Variants in ZFR2 observed in about 807,000 individuals in gnomAD.
ZFR2 encodes zinc finger RNA-binding protein 2.
Under a neutral mutation model 105.7 loss-of-function variants are expected in ZFR2, and 104 were observed. The ratio of observed to expected loss-of-function variants is 0.98; its 90% CI spans 0.84 to 1.16. ZFR2 has a LOEUF of 1.16. Ranked by LOEUF, ZFR2 falls within the 50% of genes most tolerant of loss-of-function variation. The probability of loss-of-function intolerance (pLI) is 0.00; values close to 1 mark genes in which losing one functional copy is unlikely to be tolerated. For missense variants in ZFR2, 1,425 were observed against 1,355.5 expected (o/e 1.05, Z -0.80); for synonymous variants, 634 against 597.7 (o/e 1.06, Z -0.89).
In ZFR2 at chr19:3,825,663, G is replaced by C. The variant is rs544651610; in HGVS notation, c.1036-256C>G. Among the ~76,000 whole-genome samples, 33 of 151,842 alleles carry C rather than the reference G, an allele frequency of 2.2e-4. 1 individual carries two copies. In the South Asian group the frequency reaches 6.2e-3, roughly 29 times the overall value. On this transcript the variant is annotated intron_variant, in intron 6 of 18. Transcript: ENST00000262961. ...CACTCCTCTAGTGTGTGAGCACGTG[G>C]CTCACCGGCTCACACGGACGCTCTT...
At chr19:3,826,504 C>T (rs1427583325) in intron 6 of ZFR2, among the ~76,000 whole-genome samples, 16 of 151,810 alleles carry the variant, frequency 1.1e-4, no homozygotes, top group Non-Finnish European at 2.9e-5. Context: ...GGCGAGATCT[C>T]AGCTCACTGC....
At position 3,831,350 on chromosome 19, in the gene ZFR2, G is replaced by A; in HGVS notation, c.805C>T (p.Gln269Ter). Residue 269 changes from glutamine (Q) to a stop codon, truncating the protein, a stop_gained, in exon 5 of 19, where the codon CAG becomes TAG. Transcript: ENST00000262961. LOFTEE classifies it high-confidence loss of function. ...TTGCAGATGTCGCAGTAGTGAAGCT[G>A]GAGCTGCCTGGGCCCCGCCTTGGGT... is the stretch of plus-strand genomic sequence containing the variant. ...PRPKAGPRQL[Q>*]LHYCDICKIS... The A allele has an allele frequency of 6.4e-7, 1 of 1,557,484 alleles. No homozygotes were observed. The highest frequency in any genetic ancestry group is 2.4e-5 in the East Asian group (1 of 41,812).
intron 13 of ZFR2, among the ~76,000 whole-genome samples, chr19:3,816,243 C>CTTTTTTTT (rs58609703): frequency 1.7e-5 from 2 of 115,092 alleles, no homozygotes; most frequent in Admixed American, 9.7e-5. Context: ...CTTCTTGTAT[C>CTTTTTTTT]TTTTTTTTTT....
Position 3,822,109 on chromosome 19 carries a change from C to CT in ZFR2, c.1462dup (p.Arg488LysfsTer154). On this transcript the variant is annotated frameshift_variant, in exon 9 of 19. Coordinates refer to ENST00000262961, the MANE Select transcript of ZFR2 (RefSeq NM_015174.2). LOFTEE classifies it high-confidence loss of function. ...GTACTGCAGCCGGTGCCGCCGCCCC[C>CT]TCACGTGCAGGTCCTTCGCGTTAAG... 6.2e-7 allele frequency: 1 copy of CT among 1,609,100 alleles called. No homozygotes were observed. Among genetic ancestry groups the CT allele is most frequent in the Non-Finnish European group, 8.5e-7 (1 of 1,178,150 alleles).
chr19:3,818,964 G>A (rs2037855193), intron 12 of ZFR2, 81 bp downstream of exon 12: 1 of 1,506,226 alleles, frequency 6.6e-7, no homozygotes, highest in South Asian at 1.3e-5. Flanking sequence ...AGAGCTAGGG[G>A]TTCCTGCAGG....
chr19:3,836,675 C>T (rs1307238722), intron 1 of ZFR2, among the ~76,000 whole-genome samples: 1 of 152,206 alleles, frequency 6.6e-6, no homozygotes, highest in East Asian at 1.9e-4. Context: ...CCTTTGTCCA[C>T]ATGGCCTCAT....
chr19:3,831,989 G>T, intron 3 of ZFR2, 111 bp from the exon 4 acceptor site: 1 of 929,370 alleles, frequency 1.1e-6, no homozygotes, highest in Non-Finnish European at 1.5e-6. Flanking sequence ...CTTAAGCCAG[G>T]ACCAGAGGCC....
intron 1 of ZFR2, among the ~76,000 whole-genome samples, chr19:3,859,553 A>G (rs1483687465): frequency 6.6e-6 from 1 of 152,190 alleles, no homozygotes; most frequent in Non-Finnish European, 1.5e-5. Context: ...CCGCTGGAGA[A>G]CACCTGCACT....
In ZFR2 at chr19:3,811,376, G is replaced by T. The variant is rs1486746663; in HGVS notation, c.2243-10C>A. The T allele has an allele frequency of 1.9e-6, 3 of 1,571,356 alleles. No individual in the cohort carries two copies. The highest frequency in any genetic ancestry group is 1.4e-5 in the African/African-American group (1 of 73,786). On this transcript the variant is annotated splice_polypyrimidine_tract_variant and intron_variant, in intron 14 of 18. Transcript: ENST00000262961. Reference sequence around the variant, plus strand: ...TGAGGCTCCTCCACACCTTCTAGAAGAAAAACCTCGAGGTGTGCGGGGAAG... The same window carrying T: ...TGAGGCTCCTCCACACCTTCTAGAATAAAAACCTCGAGGTGTGCGGGGAAG...
At position 3,831,451 on chromosome 19, in the gene ZFR2, G is replaced by C. The variant is rs2240232; in HGVS notation, c.704C>G (p.Pro235Arg). The change falls in exon 5 of 19, where the codon CCG becomes CGG. Residue 235 changes from proline (P) to arginine (R), a missense_variant. Physicochemically the swap from Pro to Arg is moderately radical, Grantham distance 103. Transcript: ENST00000262961. ...TCCTGAGCCTGCAGGCGCGGGCGGC[G>C]GGGGCAGCTGCTGCGGGGGTCCCGG... ...PPPGPPQQLP[P>R]PPAPAGSGSS... The C allele has an allele frequency of 1.3e-6, 2 of 1,549,410 alleles. No individual in the cohort carries two copies. The highest frequency in any genetic ancestry group is 4.9e-5 in the East Asian group (2 of 41,032).
Position 3,813,925 on chromosome 19 carries a change from C to G in ZFR2, c.2137G>C (p.Asp713His). The stretch of plus-strand genomic sequence containing the variant: ...GAGATGACAATGTTGGCTTCAGGGT[C>G]GGAGGAGACCTCATACTCATCCTCG... ...VTEDEYEVSS[D>H]PEANIVISSC... Residue 713 changes from aspartate to histidine, a missense_variant, in exon 14 of 19, where the codon GAC becomes CAC. By Grantham distance (81) the Asp-to-His change is moderately conservative (BLOSUM62 -1). Coordinates refer to ENST00000262961, the MANE Select transcript of ZFR2 (RefSeq NM_015174.2). This position sits in a 1 kb window ranked among gnomAD's most constrained non-coding sequence, Gnocchi z 4.4. The G allele has an allele frequency of 6.2e-7, 1 of 1,613,886 alleles. No homozygotes were observed. The highest frequency in any genetic ancestry group is 1.1e-5 in the South Asian group (1 of 91,066).
intron 1 of ZFR2, among the ~76,000 whole-genome samples, chr19:3,857,695 CAAAA>C (rs11367233): frequency 4.8e-5 from 5 of 104,394 alleles, no homozygotes; most frequent in Non-Finnish European, 2.0e-5. Flanking sequence ...GACCCTGTCT[CAAAA>C]AAAAAAAAAA....
intron 12 of ZFR2, among the ~76,000 whole-genome samples, chr19:3,817,755 CAAAAAAGAA>C (rs1177834930): frequency 1.6e-5 from 1 of 64,354 alleles, no homozygotes; most frequent in African/African-American, 6.6e-5. Flanking sequence ...GACTCAGTCT[CAAAAAAGAA>C]AAAAAAAAAA....
intron 1 of ZFR2, among the ~76,000 whole-genome samples, chr19:3,842,623 TTTTC>T (rs1479677191): frequency 1.3e-5 from 2 of 151,744 alleles, no homozygotes; most frequent in Non-Finnish European, 1.5e-5. Flanking sequence ...TTTTTTTCTT[TTTTC>T]TTTTTTTTTT....
At chr19:3,810,913 T>G in intron 15 of ZFR2, 68 bp from the exon 16 acceptor site, 1 of 1,510,758 alleles carries the variant, frequency 6.6e-7, no homozygotes, top group Non-Finnish European at 9.0e-7. Context: ...CGCCGGGCTC[T>G]GTCGTGAGCG....
chr19:3,867,307 G>GGGT (rs947847380), intron 1 of ZFR2, among the ~76,000 whole-genome samples: 1 of 151,616 alleles, frequency 6.6e-6, no homozygotes, highest in Non-Finnish European at 1.5e-5. Context: ...CAACTGTTGG[G>GGGT]GGGGGAATCT....
intron 1 of ZFR2, chr19:3,855,622 C>G (rs1399491235): frequency 2.3e-6 from 1 of 442,508 alleles, no homozygotes; most frequent in Non-Finnish European, 3.7e-6. Flanking sequence ...TGATGGTTCT[C>G]ATGCCGCCGG....
Position 3,831,856 on chromosome 19 carries a change from C to T in ZFR2, c.402G>A (p.Gln134=), listed in dbSNP as rs201164232. ...GQPGTQEACG[Q]PSPHGSHSHA... is the part of the protein sequence containing the mutation. ...GGCTGTGACTGCCATGGGGGCTGGG[C>T]TGCCCGCAGGCTTCTTGGGTCCCTA... Residue 134 remains glutamine, a synonymous_variant, in exon 4 of 19, where the codon CAG becomes CAA. Transcript: ENST00000262961. 1.5e-5 allele frequency: 24 copies of T among 1,591,810 alleles called. No individual in the cohort carries two copies. In the African/African-American group the frequency reaches 2.8e-4, roughly 19 times the overall value.
intron 1 of ZFR2, among the ~76,000 whole-genome samples, chr19:3,865,934 C>T (rs2038422215): frequency 6.6e-6 from 1 of 152,066 alleles, no homozygotes; most frequent in Non-Finnish European, 1.5e-5. Context: ...CTCCACCTCC[C>T]GCGTTCAAGA....
Sources: gnomAD v4.1 joint callset for allele counts (sites outside exome capture counted in the v4.1 genomes callset) on GRCh38, gnomAD v4.1.1 for gene constraint, Gnocchi (gnomAD v3.1) non-coding constraint, MANE v1.5 for transcripts, NCBI Gene and HGNC (gene_info 2026-07-23, HGNC 2026-07-21) for gene names.